TBC1D22A: variants seen among roughly 807,000 people sequenced by gnomAD.
TBC1D22A encodes TBC1 domain family member 22A.
TBC1D22A carries 38 observed loss-of-function variants against 60.2 expected under a neutral mutation model. The observed-to-expected ratio is 0.63, with a 90% CI of 0.49 to 0.83. The LOEUF (loss-of-function observed/expected upper bound fraction) is 0.83. Among genes scored for constraint, TBC1D22A ranks in the 40% least tolerant of loss-of-function variants. The pLI is 0.00. For synonymous variants in TBC1D22A, 302 were observed against 281.7 expected, an observed-to-expected ratio of 1.07 and a Z score of -0.72; for missense variants, 628 against 701.0, an observed-to-expected ratio of 0.90 and a Z score of 1.18.
At chr22:47,007,417 G>A (rs1434081595) in intron 10 of TBC1D22A, among the ~76,000 whole-genome samples, 3 of 152,244 alleles carry the variant, frequency 2.0e-5, no homozygotes, top group Admixed American at 1.3e-4. Context: ...CAGGTGCATT[G>A]TAAGAGCACA....
intron 6 of TBC1D22A, among the ~76,000 whole-genome samples, chr22:46,891,857 G>C (rs2068427042): frequency 1.3e-5 from 2 of 152,214 alleles, no homozygotes; most frequent in Admixed American, 1.3e-4. Flanking sequence ...ACCCAGGAAA[G>C]GTGTGTTCAT....
intron 9 of TBC1D22A, among the ~76,000 whole-genome samples, chr22:46,994,362 G>A (rs558606973): frequency 7.7e-4 from 93 of 121,222 alleles, no homozygotes; most frequent in Non-Finnish European, 1.3e-3. Flanking sequence ...CACCTGCTGT[G>A]GAGCCTCTTG....
intron 8 of TBC1D22A, among the ~76,000 whole-genome samples, chr22:46,925,791 A>G (rs897987572): frequency 6.6e-6 from 1 of 152,246 alleles, no homozygotes; most frequent in Non-Finnish European, 1.5e-5. Context: ...AACTAGAAGA[A>G]TAAACAACAC....
chr22:46,796,117 A>C (rs1194423356), intron 3 of TBC1D22A, among the ~76,000 whole-genome samples: 1 of 149,224 alleles, frequency 6.7e-6, no homozygotes, highest in Non-Finnish European at 1.5e-5. Context: ...AAGGGCACTG[A>C]GGCTGGTGGG....
rs756141681 is a variant in TBC1D22A at position 46,891,353 on chromosome 22, G to A, written c.796G>A (p.Asp266Asn). 11 of 1,613,032 alleles carry A rather than the reference G, an allele frequency of 6.8e-6. No individual in the cohort carries two copies. Among genetic ancestry groups the A allele is most frequent in the East Asian group, 2.2e-5 (1 of 44,812 alleles). ...TTTTGCATTTATTGAGCACTATTAC[G>A]ATTCTAGGAACGACGAAGTTCACCA... ...EYFAFIEHYY[D>N]SRNDEVHQDT... is the part of the protein sequence containing the mutation. The change falls in exon 6 of 13, where the codon GAT becomes AAT. Residue 266 changes from aspartate to asparagine, a missense_variant. Asp to Asn is a conservative substitution (Grantham distance 23). Transcript: ENST00000337137.
intron 11 of TBC1D22A, among the ~76,000 whole-genome samples, chr22:47,052,752 G>A (rs1482607827): frequency 6.6e-6 from 1 of 152,286 alleles, no homozygotes; most frequent in Admixed American, 6.5e-5. Context: ...AGGATAGCAG[G>A]AGGACGGCCT....
At chr22:46,949,893 C>G (rs117512787) in intron 8 of TBC1D22A, among the ~76,000 whole-genome samples, 1 of 152,186 alleles carries the variant, frequency 6.6e-6, no homozygotes. Context: ...AGGCCTGAGC[C>G]GAGGCTGCTG....
chr22:46,828,591 A>G (rs1476383646), intron 4 of TBC1D22A, among the ~76,000 whole-genome samples: 1 of 152,098 alleles, frequency 6.6e-6, no homozygotes, highest in African/African-American at 2.4e-5. Context: ...CCCACAGGAG[A>G]TCTTGTTAGA....
intron 4 of TBC1D22A, among the ~76,000 whole-genome samples, chr22:46,833,141 T>C (rs1256899167): frequency 6.6e-6 from 1 of 152,256 alleles, no homozygotes; most frequent in African/African-American, 2.4e-5. Context: ...AAGATACATA[T>C]GAGTTAATCT....
intron 10 of TBC1D22A, among the ~76,000 whole-genome samples, chr22:47,020,436 A>G (rs1347220767): frequency 1.3e-5 from 2 of 151,916 alleles, no homozygotes; most frequent in Admixed American, 1.3e-4. Flanking sequence ...AGATGGGATG[A>G]CTCGTTTATC....
chr22:46,773,104 G>T (rs1312756980), intron 1 of TBC1D22A, among the ~76,000 whole-genome samples: 1 of 152,212 alleles, frequency 6.6e-6, no homozygotes, highest in Non-Finnish European at 1.5e-5. Flanking sequence ...AGTGACACCT[G>T]CCCCTCCTTT....
intron 11 of TBC1D22A, among the ~76,000 whole-genome samples, chr22:47,081,693 A>G (rs1045783386): frequency 6.6e-6 from 1 of 152,250 alleles, no homozygotes; most frequent in African/African-American, 2.4e-5. Context: ...AGAAGTTGAT[A>G]TCATTTTATA....
chr22:46,790,202 C>T (rs2084347098), intron 1 of TBC1D22A, among the ~76,000 whole-genome samples: 1 of 152,252 alleles, frequency 6.6e-6, no homozygotes, highest in African/African-American at 2.4e-5. Context: ...CTCTCTCCAG[C>T]TCCAGGAAGC....
intron 12 of TBC1D22A, among the ~76,000 whole-genome samples, chr22:47,140,055 A>C (rs900698442): frequency 6.6e-6 from 1 of 152,232 alleles, no homozygotes; most frequent in Non-Finnish European, 1.5e-5. Context: ...TGTAGCTAGG[A>C]GCACTGGTGA....
intron 10 of TBC1D22A, 137 bp from the exon 11 acceptor site, chr22:47,036,934 G>A (rs985289962): frequency 6.4e-6 from 6 of 938,314 alleles, no homozygotes; most frequent in Non-Finnish European, 6.4e-6. Flanking sequence ...TTTGCTCCTT[G>A]GGGGTTGTTG....
At chr22:47,057,070 C>T (rs111503329) in intron 11 of TBC1D22A, among the ~76,000 whole-genome samples, 3 of 152,196 alleles carry the variant, frequency 2.0e-5, no homozygotes, top group Non-Finnish European at 4.4e-5. Context: ...GCCTTAGCCC[C>T]GGGTCTGTGG....
chr22:47,030,904 C>T (rs1453061489), intron 10 of TBC1D22A, among the ~76,000 whole-genome samples: 1 of 152,236 alleles, frequency 6.6e-6, no homozygotes, highest in East Asian at 1.9e-4. Context: ...TGGGGATGCA[C>T]GTCCCGGCGG....
At chr22:46,998,225 T>G (rs1449976794) in intron 10 of TBC1D22A, among the ~76,000 whole-genome samples, 1 of 152,160 alleles carries the variant, frequency 6.6e-6, no homozygotes, top group Non-Finnish European at 1.5e-5. Context: ...CCTTCATCTT[T>G]AAAATAATCC....
intron 11 of TBC1D22A, among the ~76,000 whole-genome samples, chr22:47,088,327 C>T (rs755870393): frequency 6.6e-6 from 1 of 151,974 alleles, no homozygotes; most frequent in Non-Finnish European, 1.5e-5. Flanking sequence ...AACATCTAGT[C>T]GTACAGAAAG....
Sources: gnomAD v4.1 joint callset for allele counts (sites outside exome capture counted in the v4.1 genomes callset) on GRCh38, gnomAD v4.1.1 for gene constraint, MANE v1.5 for transcripts, NCBI Gene and HGNC (gene_info 2026-07-23, HGNC 2026-07-21) for gene names.